Variants in PAK4 observed in about 807,000 individuals in gnomAD.
PAK4 encodes serine/threonine-protein kinase PAK 4.
Under a neutral mutation model 53.5 loss-of-function variants are expected in PAK4, and 49 were observed. That is an observed-to-expected ratio of 0.92 (90% CI 0.73 to 1.16). The LOEUF (loss-of-function observed/expected upper bound fraction) is 1.16, where lower values mean the gene tolerates loss of function less well. Among genes scored for constraint, PAK4 ranks in the 50% most tolerant of loss-of-function variants. PAK4 has a pLI of 0.00. For synonymous variants in PAK4, 376 were observed against 375.6 expected (o/e 1.00, Z -0.01); for missense variants, 824 against 850.7 (o/e 0.97, Z 0.39).
chr19:39,128,780 GCA>G lies in PAK4; in HGVS notation c.-23+2862_-23+2863del, dbSNP rs970682002. Among the ~76,000 whole-genome samples the G allele has an allele frequency of 3.7e-4, 57 of 152,292 alleles. 2 individuals are homozygous for G. Among genetic ancestry groups the G allele is most frequent in the Admixed American group, 3.7e-3 (56 of 15,296 alleles). On this transcript the variant is annotated intron_variant, in intron 1 of 8. Coordinates refer to ENST00000358301, the Ensembl canonical transcript of PAK4. ...TGGGTGTGGCAGTCACCATTCCTCT[GCA>G]GCCTTTCATACTTTGACTGCCCTTG...
intron 1 of PAK4, among the ~76,000 whole-genome samples, chr19:39,131,579 G>A (rs2073711725): frequency 6.6e-6 from 1 of 152,174 alleles, no homozygotes; most frequent in South Asian, 2.1e-4. Flanking sequence ...AGACGCCTTG[G>A]CCCACAGGAA....
At position 39,160,749 on chromosome 19, in the gene PAK4, GC is replaced by G. The variant is rs543189765; in HGVS notation, c.-22-8780del. On this transcript the variant is annotated intron_variant, in intron 1 of 8. Transcript: ENST00000358301. ...ATCAGTGTTTGAGCCAAAGTGGGAA[GC>G]CCTGTAGAACTGTGTGTGTACATTT... Among the ~76,000 whole-genome samples, 10 of 152,366 alleles carry G rather than the reference GC, an allele frequency of 6.6e-5. No individual in the cohort carries two copies. The South Asian group carries it at 2.1e-3, about 32-fold the overall frequency.
chr19:39,157,203 T>C (rs2074199823), intron 1 of PAK4, among the ~76,000 whole-genome samples: 1 of 151,056 alleles, frequency 6.6e-6, no homozygotes, highest in African/African-American at 2.4e-5. Flanking sequence ...TTGCCTACTG[T>C]GTGTGGTTTT....
At chr19:39,172,796 C>G (rs993187208) in intron 2 of PAK4, 122 bp from the exon 4 acceptor site, 1 of 848,520 alleles carries the variant, frequency 1.2e-6, no homozygotes, top group African/African-American at 1.7e-5. Context: ...CATGGCATCT[C>G]TTCATTGCGT....
chr19:39,146,480 A>G (rs1433658641), intron 1 of PAK4, among the ~76,000 whole-genome samples: 2 of 152,232 alleles, frequency 1.3e-5, no homozygotes, highest in Non-Finnish European at 2.9e-5. Context: ...TAAATAAACC[A>G]TTACTATTTT....
rs1170334663 is a variant in PAK4 at position 39,147,077 on chromosome 19, CATTGTCA to C, written c.-23+21168_-23+21174del. Among the ~76,000 whole-genome samples the C allele has an allele frequency of 1.0e-4, 3 of 29,408 alleles. No homozygotes were observed. The East Asian group carries it at 8.1e-3, about 79-fold the overall frequency. 19.3% of individuals were successfully genotyped at this position (29,408 alleles called of 152,430 possible). A position where few individuals can be genotyped will look rare whatever the true frequency, so the allele number is the denominator to read the frequency against. On this transcript the variant is annotated intron_variant, in intron 1 of 8. Coordinates refer to ENST00000358301, the Ensembl canonical transcript of PAK4. ...ACTGTCATTGTCAATTGACAATTGT[CATTGTCA>C]ATTGTCAATGACAATGTCATTGACA...
chr19:39,174,183 C>G (rs951226110), intron 4 of PAK4, among the ~76,000 whole-genome samples, 173 bp downstream of exon 5: 1 of 151,634 alleles, frequency 6.6e-6, no homozygotes, highest in African/African-American at 2.4e-5. Flanking sequence ...GTCCCTGCCT[C>G]TGTCCTCACA....
chr19:39,154,891 C>T (rs1447753534), intron 1 of PAK4, among the ~76,000 whole-genome samples: 2 of 152,128 alleles, frequency 1.3e-5, no homozygotes, highest in East Asian at 3.9e-4. Context: ...CAGAGCCTGG[C>T]CCAGCCCCTC....
chr19:39,178,344 G>T lies in PAK4; in HGVS notation c.1621-80G>T. On this transcript the variant is annotated intron_variant, in intron 8 of 8. Coordinates refer to ENST00000358301, the Ensembl canonical transcript of PAK4. The surrounding 1 kb of genome is among the most constrained non-coding windows in gnomAD (Gnocchi z 4.4). ...CACAGTACATGCCGCCAGCCGACTT[G>T]GCAGAGGCGGACACTGCAGCCCTAC... is the stretch of plus-strand genomic sequence containing the variant. 4.7e-6 allele frequency: 7 copies of T among 1,476,342 alleles called. No individual in the cohort carries two copies. Among genetic ancestry groups the T allele is most frequent in the Non-Finnish European group, 5.5e-6 (6 of 1,091,826 alleles). 91.5% of individuals were successfully genotyped at this position (1,476,342 alleles called of 1,614,324 possible).
intron 1 of PAK4, among the ~76,000 whole-genome samples, chr19:39,154,928 G>A (rs970603294): frequency 1.3e-5 from 2 of 151,148 alleles, no homozygotes; most frequent in Non-Finnish European, 3.0e-5. Flanking sequence ...ACTGTGACAG[G>A]GGGTGGACAG....
intron 1 of PAK4, among the ~76,000 whole-genome samples, chr19:39,143,136 T>C (rs1260441940): frequency 2.0e-5 from 3 of 151,960 alleles, no homozygotes; most frequent in Non-Finnish European, 2.9e-5. Context: ...CTTCTCCCAC[T>C]TGTTTACTTG....
chr19:39,175,296 C>A lies in PAK4; in HGVS notation c.1233-16C>A, dbSNP rs1260939393. On this transcript the variant is annotated splice_polypyrimidine_tract_variant and intron_variant, in intron 5 of 8. Coordinates refer to ENST00000358301, the Ensembl canonical transcript of PAK4. The surrounding 1 kb of genome is among the most constrained non-coding windows in gnomAD (Gnocchi z 4.7). ...TGCTGTCCAGCTGGCTGCTCACCCC[C>A]CACCCCACCCCGCAGGATGAACGAG... 2 of 1,563,328 alleles carry A rather than the reference C, an allele frequency of 1.3e-6. No individual in the cohort carries two copies. The highest frequency in any genetic ancestry group is 1.9e-5 in the Admixed American group (1 of 52,456).
intron 1 of PAK4, among the ~76,000 whole-genome samples, chr19:39,127,838 G>T (rs1019119388): frequency 6.6e-6 from 1 of 152,218 alleles, no homozygotes; most frequent in Non-Finnish European, 1.5e-5. Context: ...GAAGGATGGG[G>T]AGGAGGGCTG....
intron 1 of PAK4, among the ~76,000 whole-genome samples, chr19:39,132,053 A>C (rs1449687864): frequency 6.6e-6 from 1 of 152,128 alleles, no homozygotes; most frequent in African/African-American, 2.4e-5. Context: ...CTCATCCCGT[A>C]GTGAGCTGTA....
At chr19:39,137,609 G>A (rs1220053001) in intron 1 of PAK4, among the ~76,000 whole-genome samples, 3 of 152,004 alleles carry the variant, frequency 2.0e-5, no homozygotes, top group Non-Finnish European at 4.4e-5. Context: ...GTCAGGTGGG[G>A]CAGCTTTCAA....
intron 1 of PAK4, among the ~76,000 whole-genome samples, chr19:39,136,060 C>T (rs1008918386): frequency 6.1e-5 from 8 of 130,328 alleles, no homozygotes; most frequent in South Asian, 3.1e-4. Flanking sequence ...ACCTCTTCCT[C>T]GTCACCCTTC....
intron 2 of PAK4, among the ~76,000 whole-genome samples, chr19:39,171,208 G>T (rs1003910815): frequency 1.5e-5 from 2 of 135,468 alleles, no homozygotes; most frequent in Non-Finnish European, 3.2e-5. Flanking sequence ...CTCCCTGTTG[G>T]TTTTTTTTTT....
chr19:39,141,241 G>C (rs570073759), intron 1 of PAK4, among the ~76,000 whole-genome samples: 1 of 152,002 alleles, frequency 6.6e-6, no homozygotes, highest in African/African-American at 2.4e-5. Context: ...CCCAAACGTC[G>C]TACAGCCAGA....
chr19:39,144,026 G>A (rs992257250), intron 1 of PAK4, among the ~76,000 whole-genome samples: 2 of 152,168 alleles, frequency 1.3e-5, no homozygotes, highest in East Asian at 1.9e-4. Flanking sequence ...TCCAGCCTGG[G>A]TGACAGAGCA....
Sources: gnomAD v4.1 joint callset for allele counts (sites outside exome capture counted in the v4.1 genomes callset) on GRCh38, gnomAD v4.1.1 for gene constraint, Gnocchi (gnomAD v3.1) non-coding constraint, MANE v1.5 for transcripts, NCBI Gene and HGNC (gene_info 2026-07-23, HGNC 2026-07-21) for gene names.